Variants in DSCAM observed in about 807,000 individuals in gnomAD.
DSCAM encodes the protein cell adhesion molecule DSCAM.
DSCAM carries 47 observed loss-of-function variants against 217.7 expected under a neutral mutation model. The observed-to-expected ratio is 0.22, with a 90% CI of 0.17 to 0.28. DSCAM has a LOEUF of 0.28. Among genes scored for constraint, DSCAM ranks in the 10% least tolerant of loss-of-function variants. The pLI, the probability that DSCAM is intolerant of heterozygous loss-of-function variation, is 1.00. For missense variants in DSCAM, 2,080 were observed against 2,618.3 expected (o/e 0.79, Z 4.49); for synonymous variants, 1,056 against 1,015.3 (o/e 1.04, Z -0.76).
chr21:40,467,057 T>C (rs1374589854), intron 3 of DSCAM, among the ~76,000 whole-genome samples: 1 of 152,190 alleles, frequency 6.6e-6, no homozygotes, highest in Non-Finnish European at 1.5e-5. Flanking sequence ...AAGCCAAAGA[T>C]GTATGTCTGT....
chr21:40,115,153 T>C (rs147372608), intron 20 of DSCAM, among the ~76,000 whole-genome samples: 131 of 152,276 alleles, frequency 8.6e-4, no homozygotes, highest in African/African-American at 2.6e-3. Flanking sequence ...AGCAAAGACT[T>C]GGAACCAACC....
chr21:40,135,795 T>C (rs991808823), intron 18 of DSCAM, among the ~76,000 whole-genome samples: 10 of 152,238 alleles, frequency 6.6e-5, no homozygotes, highest in Non-Finnish European at 1.3e-4. Flanking sequence ...TTGTTCATCT[T>C]TTTTTTGTCA....
At chr21:40,672,214 C>T (rs903969545) in intron 3 of DSCAM, among the ~76,000 whole-genome samples, 3 of 151,906 alleles carry the variant, frequency 2.0e-5, no homozygotes, top group Non-Finnish European at 2.9e-5. Context: ...AGGGCTTCAA[C>T]ATATATGGCT....
chr21:40,187,753 CATT>C, intron 13 of DSCAM, 135 bp downstream of exon 13: 1 of 805,856 alleles, frequency 1.2e-6, no homozygotes. Context: ...TTAGCACTGA[CATT>C]ATACATATTC....
rs1463089787 is a variant in DSCAM at position 40,453,096 on chromosome 21, T to TGTG, written c.509-83852_509-83851insCAC. On this transcript the variant is annotated intron_variant, in intron 3 of 32. Transcript: ENST00000400454. ...TGTGTGTGTGTGTGTGTGTGTGAGA[T>TGTG]ATATGTGTATATCTACACATACATG... Among the ~76,000 whole-genome samples, 5 of 131,260 alleles carry TGTG rather than the reference T, an allele frequency of 3.8e-5. No individual in the cohort carries two copies. The South Asian group carries it at 1.3e-3, about 35-fold the overall frequency. 86.1% of individuals were successfully genotyped at this position (131,260 alleles called of 152,430 possible). A position where few individuals can be genotyped will look rare whatever the true frequency, so the allele number is the denominator to read the frequency against.
Position 40,275,982 on chromosome 21 carries a change from C to T in DSCAM, c.2356+115G>A, listed in dbSNP as rs563528248. On this transcript the variant is annotated intron_variant, in intron 11 of 32. Coordinates refer to ENST00000400454, the MANE Select transcript of DSCAM (RefSeq NM_001389.5). ...TTTAAACCCAGCTATATCACACCAA[C>T]GGGTCTTCTTTTGTGTTGCTTTTAA... 2.3e-4 allele frequency: 256 copies of T among 1,111,156 alleles called. No individual in the cohort carries two copies. In the Middle Eastern group the frequency reaches 2.7e-3, roughly 12 times the overall value. 68.8% of individuals were successfully genotyped at this position (1,111,156 alleles called of 1,614,324 possible). A position where few individuals can be genotyped will look rare whatever the true frequency, so the allele number is the denominator to read the frequency against.
intron 3 of DSCAM, among the ~76,000 whole-genome samples, chr21:40,527,198 A>G (rs2076407562): frequency 6.6e-6 from 1 of 152,146 alleles, no homozygotes; most frequent in African/African-American, 2.4e-5. Context: ...CCTTCAGACA[A>G]AATCTACCCC....
intron 1 of DSCAM, among the ~76,000 whole-genome samples, chr21:40,815,852 A>G (rs2091876887): frequency 6.6e-6 from 1 of 152,204 alleles, no homozygotes; most frequent in African/African-American, 2.4e-5. Context: ...TAAAGGGGAG[A>G]GAGGACTACA....
At chr21:40,334,341 T>C (rs1053619215) in intron 8 of DSCAM, among the ~76,000 whole-genome samples, 3 of 152,210 alleles carry the variant, frequency 2.0e-5, no homozygotes, top group African/African-American at 4.8e-5. Context: ...ACGGCTCCAC[T>C]GCATCTTCTG....
At chr21:40,189,370 G>A (rs1359796594) in intron 11 of DSCAM, 132 bp from the exon 12 acceptor site, 1 of 791,454 alleles carries the variant, frequency 1.3e-6, no homozygotes, top group Admixed American at 3.5e-5. Flanking sequence ...ACTGCTGCAT[G>A]AGAATCTCGA....
intron 1 of DSCAM, among the ~76,000 whole-genome samples, chr21:40,741,644 C>G: frequency 6.6e-6 from 1 of 152,244 alleles, no homozygotes; most frequent in East Asian, 1.9e-4. Context: ...TCCAGACTAG[C>G]AGGTTCTAGC....
At chr21:40,757,305 G>A (rs960741094) in intron 1 of DSCAM, among the ~76,000 whole-genome samples, 12 of 152,312 alleles carry the variant, frequency 7.9e-5, no homozygotes, top group Non-Finnish European at 1.5e-4. Context: ...GATTACAGGC[G>A]TAAGCCATCG....
intron 32 of DSCAM, among the ~76,000 whole-genome samples, chr21:40,041,644 C>T (rs975670494): frequency 1.3e-5 from 2 of 152,118 alleles, no homozygotes; most frequent in Non-Finnish European, 2.9e-5. Context: ...CCTTGCTGAC[C>T]TCAAAATTTG....
At position 40,093,695 on chromosome 21, in the gene DSCAM, A is replaced by T. The variant is rs78085341; in HGVS notation, c.3850+26T>A. 3.2e-3 allele frequency: 5,227 copies of T among 1,613,272 alleles called. 141 individuals are homozygous for T. The African/African-American group carries it at 0.058, about 18-fold the overall frequency. ...AAAAACAGTCAAGTTACAACAGGAA[A>T]TGAGGTCCTTATAGCCACTGCCTAC... On this transcript the variant is annotated intron_variant, in intron 21 of 32. Coordinates refer to ENST00000400454, the MANE Select transcript of DSCAM (RefSeq NM_001389.5).
chr21:40,528,498 T>G (rs762167207), intron 3 of DSCAM, among the ~76,000 whole-genome samples: 33 of 152,248 alleles, frequency 2.2e-4, no homozygotes, highest in Non-Finnish European at 4.1e-4. Flanking sequence ...ATTTAAAATA[T>G]TCCTTCCAGT....
chr21:40,456,922 G>T (rs971781478), intron 3 of DSCAM, among the ~76,000 whole-genome samples: 1 of 152,038 alleles, frequency 6.6e-6, no homozygotes, highest in African/African-American at 2.4e-5. Context: ...TTTAACTATA[G>T]TATTAGGAGT....
At chr21:40,374,877 C>G (rs1047461371) in intron 3 of DSCAM, among the ~76,000 whole-genome samples, 3 of 152,176 alleles carry the variant, frequency 2.0e-5, no homozygotes, top group Non-Finnish European at 2.9e-5. Context: ...GCCTCCAGAA[C>G]AGTGAGAGAT....
chr21:40,498,743 A>G (rs1601693131), intron 3 of DSCAM, among the ~76,000 whole-genome samples: 1 of 28,758 alleles, frequency 3.5e-5, no homozygotes, highest in Non-Finnish European at 6.1e-5. Context: ...GTGTATATAT[A>G]TATATATATA....
chr21:40,675,353 C>G (rs1348987978), intron 3 of DSCAM, among the ~76,000 whole-genome samples: 1 of 151,912 alleles, frequency 6.6e-6, no homozygotes, highest in East Asian at 1.9e-4. Flanking sequence ...ATGCAGCTAT[C>G]AGAGAGAATT....
Sources: allele counts gnomAD v4.1 joint callset (sites outside exome capture counted in the v4.1 genomes callset), GRCh38; gene constraint gnomAD v4.1.1; transcripts MANE v1.5; gene names NCBI Gene and HGNC (gene_info 2026-07-23, HGNC 2026-07-21).